Variants in NPR3 observed in about 807,000 individuals in gnomAD.
The protein encoded by NPR3 is atrial natriuretic peptide receptor 3.
NPR3 carries 34 observed loss-of-function variants against 54.5 expected under a neutral mutation model. The ratio of observed to expected loss-of-function variants is 0.62; its 90% confidence interval spans 0.47 to 0.83. The LOEUF is 0.83. Ranked by LOEUF, NPR3 falls within the 40% of genes least tolerant of loss-of-function variation. The probability of loss-of-function intolerance (pLI) is 0.00; values close to 1 mark genes in which losing one functional copy is unlikely to be tolerated. For synonymous variants in NPR3, 289 were observed against 297.1 expected, an observed-to-expected ratio of 0.97 and a Z score of 0.28; for missense variants, 674 against 720.8, an observed-to-expected ratio of 0.94 and a Z score of 0.74.
Position 32,691,979 on chromosome 5 carries a change from A to G in NPR3, c.100+2793A>G, listed in dbSNP as rs961077621. ...TTGGAATAATACATGAATGCACAAG[A>G]AAGACTCTTTTTCAGGAAATCAGAT... On this transcript the variant is annotated intron_variant, in intron 1 of 5. Coordinates refer to the NPR3 transcript ENST00000509104. Among the ~76,000 whole-genome samples the G allele has an allele frequency of 4.6e-5, 7 of 152,382 alleles. No homozygotes were observed. The East Asian group carries it at 9.6e-4, about 21-fold the overall frequency.
At position 32,774,532 on chromosome 5, in the gene NPR3, C is replaced by G. The variant is rs571795296; in HGVS notation, c.1060-176C>G. On this transcript the variant is annotated intron_variant, in intron 3 of 7. Coordinates refer to ENST00000265074, the MANE Select transcript of NPR3 (RefSeq NM_001204375.2). The stretch of plus-strand genomic sequence containing the variant: ...ATTCCCCAACTGGGGAAGGGTTTTC[C>G]CCTCTGAGCCATGCCAGGAAAGTCA... Among the ~76,000 whole-genome samples the G allele has an allele frequency of 1.1e-4, 16 of 152,306 alleles. No individual in the cohort carries two copies. The South Asian group carries it at 3.1e-3, about 30-fold the overall frequency.
At chr5:32,734,075 C>T (rs769888381) in intron 2 of NPR3, among the ~76,000 whole-genome samples, 21 of 152,318 alleles carry the variant, frequency 1.4e-4, no homozygotes, top group Non-Finnish European at 2.4e-4. Context: ...TACTGCAGGT[C>T]GAACAGCCAT....
At chr5:32,710,740 C>T (rs1349971797), upstream of NPR3, 2 of 1,547,774 alleles carry the variant, frequency 1.3e-6, no homozygotes, top group Admixed American at 4.0e-5. Context: ...AGGTGCTCGC[C>T]CCGCGTCGGT....
intron 1 of NPR3, among the ~76,000 whole-genome samples, chr5:32,697,544 A>G (rs1740561526): frequency 6.6e-6 from 1 of 151,292 alleles, no homozygotes; most frequent in African/African-American, 2.4e-5. Flanking sequence ...TCGATTTTTC[A>G]GAGTAGTTTG....
intron 3 of NPR3, among the ~76,000 whole-genome samples, chr5:32,767,810 T>C (rs1182052826): frequency 1.3e-5 from 2 of 152,106 alleles, no homozygotes; most frequent in Non-Finnish European, 2.9e-5. Flanking sequence ...TGTAAACACA[T>C]CTCTAGGTGA....
intron 3 of NPR3, among the ~76,000 whole-genome samples, chr5:32,765,991 C>G (rs1173733): frequency 0.36 from 54,343 of 151,910 alleles, 11,733 homozygotes; most frequent in African/African-American, 0.62. Flanking sequence ...GTAGGGGTTG[C>G]GGGGGGAACT....
intron 2 of NPR3, among the ~76,000 whole-genome samples, chr5:32,731,810 T>C (rs890614166): frequency 6.6e-6 from 1 of 152,172 alleles, no homozygotes; most frequent in African/African-American, 2.4e-5. Context: ...GTAGTGATTT[T>C]AAACAAATGT....
chr5:32,774,954 C>A, intron 4 of NPR3, 111 bp downstream of exon 4: 2 of 832,374 alleles, frequency 2.4e-6, no homozygotes, highest in East Asian at 2.4e-5. Context: ...TTGCTTTTCT[C>A]AGCTCTAAAG....
At chr5:32,713,198 C>A in intron 1 of NPR3, 7 of 985,434 alleles carry the variant, frequency 7.1e-6, no homozygotes, top group Non-Finnish European at 8.4e-6. Flanking sequence ...ACTCACTTCT[C>A]CCAGAGTGTT....
intron 3 of NPR3, among the ~76,000 whole-genome samples, chr5:32,760,673 T>C (rs1027673816): frequency 6.6e-6 from 1 of 152,038 alleles, no homozygotes; most frequent in Non-Finnish European, 1.5e-5. Flanking sequence ...AGTGGTTTTT[T>C]TTTTTTTAAA....
chr5:32,785,177 C>G (rs548368894), intron 7 of NPR3, among the ~76,000 whole-genome samples: 6 of 119,764 alleles, frequency 5.0e-5, no homozygotes, highest in African/African-American at 2.0e-4. Context: ...GAGACGGAGT[C>G]TCAGTCCCCC....
At chr5:32,778,701 G>A (rs896419137) in intron 4 of NPR3, among the ~76,000 whole-genome samples, 1 of 152,218 alleles carries the variant, frequency 6.6e-6, no homozygotes, top group Non-Finnish European at 1.5e-5. Flanking sequence ...CTCACCTTAT[G>A]TACGATACTC....
rs1742872118 is a variant in NPR3 at position 32,790,820 on chromosome 5, G to C, written c.*4475G>C. On this transcript the variant is annotated 3_prime_UTR_variant, in exon 8 of 8. Coordinates refer to ENST00000265074, the MANE Select transcript of NPR3 (RefSeq NM_001204375.2). ...TGTTTCAATGGGAGCCAGATCTCAT[G>C]AGTAAAAATCCATTTTATAATAGCT... 1.2e-5 allele frequency: 2 copies of C among 167,080 alleles called. No homozygotes were observed. Among genetic ancestry groups the C allele is most frequent in the Non-Finnish European group, 2.9e-5 (2 of 68,120 alleles). The allele number at this position is 167,080 out of a possible 1,614,324, so 10.3% of individuals were successfully genotyped here.
intron 1 of NPR3, among the ~76,000 whole-genome samples, chr5:32,720,820 A>T (rs1038188781): frequency 2.0e-5 from 3 of 152,170 alleles, no homozygotes; most frequent in Non-Finnish European, 4.4e-5. Flanking sequence ...CAGCTAGTAT[A>T]GTTCTCCTGA....
In NPR3 at chr5:32,722,321, C is replaced by A. The variant is rs139023512; in HGVS notation, c.770-2377C>A. ...GACATCTGAATCCTCTACTGGCCTC[C>A]CTGATTCTGATTTCATCCTTACTTG... On this transcript the variant is annotated intron_variant, in intron 1 of 7. Transcript: ENST00000265074. Among the ~76,000 whole-genome samples the A allele has an allele frequency of 3.5e-3, 527 of 152,216 alleles. 3 individuals are homozygous for A. Among genetic ancestry groups the A allele is most frequent in the African/African-American group, 0.012 (508 of 41,524 alleles).
Position 32,738,895 on chromosome 5 carries a change from C to G in NPR3, c.924C>G (p.His308Gln). 1 of 1,613,746 alleles carries G rather than the reference C, an allele frequency of 6.2e-7. No individual in the cohort carries two copies. Among genetic ancestry groups the G allele is most frequent in the Non-Finnish European group, 8.5e-7 (1 of 1,179,742 alleles). ...GCTCATGGAAGAGAGGAGACAAACACGACTTTGAAGCTAAGCAAGCATACT... is the reference window on the plus strand; with the variant it reads ...GCTCATGGAAGAGAGGAGACAAACAGGACTTTGAAGCTAAGCAAGCATACT... ...GDGSWKRGDK[H>Q]DFEAKQAYSS... The change falls in exon 3 of 8, where the codon CAC (histidine) becomes CAG (glutamine). Residue 308 changes from histidine to glutamine, a missense_variant. His to Gln is a conservative substitution (Grantham distance 24, BLOSUM62 0). Transcript: ENST00000265074.
intron 1 of NPR3, 76 bp downstream of exon 1, chr5:32,712,621 T>C (rs1437276649): frequency 1.5e-6 from 2 of 1,359,716 alleles, no homozygotes; most frequent in Non-Finnish European, 2.0e-6. Flanking sequence ...ACTCGTCCAC[T>C]CTGCAGACCC....
In NPR3 at chr5:32,786,370, T is replaced by TC; in HGVS notation, c.*26dup. On this transcript the variant is annotated 3_prime_UTR_variant, in exon 8 of 8. Transcript: ENST00000265074. ...AAGGAAGCCCCCCACTTTTTTTTTT[T>TC]CTGCCTGAGATTCTTTAAGGAGATA... 1.1e-6 allele frequency: 1 copy of TC among 935,858 alleles called. No individual in the cohort carries two copies. The highest frequency in any genetic ancestry group is 1.7e-6 in the Non-Finnish European group (1 of 582,772). The allele number at this position is 935,858 out of a possible 1,614,324, so 58.0% of individuals were successfully genotyped here. A position where few individuals can be genotyped will look rare whatever the true frequency, so the allele number is the denominator to read the frequency against.
At chr5:32,746,322 G>T (rs762560080) in intron 3 of NPR3, among the ~76,000 whole-genome samples, 4 of 152,146 alleles carry the variant, frequency 2.6e-5, no homozygotes, top group Non-Finnish European at 5.9e-5. Flanking sequence ...TATACTTTTG[G>T]AGAGAAGGGT....
Sources: allele counts gnomAD v4.1 joint callset (sites outside exome capture counted in the v4.1 genomes callset), GRCh38; gene constraint gnomAD v4.1.1; transcripts MANE v1.5; gene names NCBI Gene and HGNC (gene_info 2026-07-23, HGNC 2026-07-21).